The following GATAD1 variants were observed in gnomAD, a reference collection of about 807,000 sequenced individuals.
GATAD1 encodes the protein GATA zinc finger domain containing 1, also known as GATA zinc finger domain-containing protein 1.
In GATAD1, 12 loss-of-function variants were observed where a neutral mutation model predicts 26.5. That is an observed-to-expected ratio of 0.45 (90% CI 0.29 to 0.73). The LOEUF (loss-of-function observed/expected upper bound fraction) is 0.73. Among genes scored for constraint, GATAD1 ranks in the 30% least tolerant of loss-of-function variants. The pLI, the probability that GATAD1 is intolerant of heterozygous loss-of-function variation, is 0.10. For missense variants in GATAD1, 266 were observed against 342.1 expected (o/e 0.78, Z 1.75); for synonymous variants, 129 against 133.1 (o/e 0.97, Z 0.21).
At chr7:92,473,064 G>A in the GATAD1 span, 3 of 152,340 alleles carry the variant, frequency 2.0e-5, no homozygotes, top group African/African-American at 7.2e-5. Context: ...GGTGAGTTGA[G>A]ATGTTGGGTT....
chr7:92,489,622 A>G, the GATAD1 span: 10 of 1,195,558 alleles, frequency 8.4e-6, no homozygotes, highest in African/African-American at 1.5e-5. Context: ...TTATAAATAT[A>G]GCTCGTTTAT....
At chr7:92,482,725 G>A in the GATAD1 span, among the ~76,000 whole-genome samples, 27 of 152,200 alleles carry the variant, frequency 1.8e-4, no homozygotes, top group African/African-American at 5.8e-4. Context: ...AGGAATAGTC[G>A]GGGAAGCAGA....
the GATAD1 span, chr7:92,468,764 TCTAA>T: frequency 8.2e-6 from 6 of 728,306 alleles, no homozygotes; most frequent in South Asian, 8.7e-5. Flanking sequence ...CGACGACCGC[TCTAA>T]CTGCTTCCTG....
rs1373327153 is a variant in GATAD1, at chr7:92,447,697, C to T, written c.-33C>T. The T allele has an allele frequency of 2.8e-6, 4 of 1,428,804 alleles. No homozygotes were observed. The highest frequency in any genetic ancestry group is 6.1e-5 in the Admixed American group (2 of 33,000). 88.5% of individuals were successfully genotyped at this position (1,428,804 alleles called of 1,614,324 possible). Reference sequence around the variant, plus strand: ...GCTACCGTCCGCCATTCCCGTGTCTCTGCGCCCGCGGGGGCCGCCCGAGCC... The same window carrying T: ...GCTACCGTCCGCCATTCCCGTGTCTTTGCGCCCGCGGGGGCCGCCCGAGCC... On this transcript the variant is annotated 5_prime_UTR_variant, in exon 1 of 5. Coordinates refer to ENST00000287957, the MANE Select transcript of GATAD1 (RefSeq NM_021167.5).
chr7:92,469,501 A>C, the GATAD1 span: 1 of 768,958 alleles, frequency 1.3e-6, no homozygotes, highest in Non-Finnish European at 2.4e-6. Flanking sequence ...CATAGGGGGC[A>C]CTAAGAATGA....
the GATAD1 span, chr7:92,468,861 G>C: frequency 1.3e-6 from 1 of 764,454 alleles, no homozygotes; most frequent in Non-Finnish European, 2.4e-6. Context: ...CAGATCGTGG[G>C]CTAGCAGGCC....
At chr7:92,493,080 G>C in the GATAD1 span, 2 of 1,612,240 alleles carry the variant, frequency 1.2e-6, no homozygotes, top group Non-Finnish European at 1.7e-6. Flanking sequence ...AACATCATCT[G>C]CCAGAGGTAG....
chr7:92,477,638 T>G, the GATAD1 span: 1 of 154,330 alleles, frequency 6.5e-6, no homozygotes, highest in Non-Finnish European at 1.4e-5. Context: ...GTGACTAGTG[T>G]TCAGCTCAAT....
chr7:92,491,395 ATC>A, the GATAD1 span: 1 of 1,613,628 alleles, frequency 6.2e-7, no homozygotes, highest in East Asian at 2.2e-5. Context: ...CAAGGGACTG[ATC>A]TAAGCCACAT....
the GATAD1 span, chr7:92,493,862 A>C: frequency 5.1e-6 from 1 of 195,784 alleles, no homozygotes; most frequent in Admixed American, 5.3e-5. Flanking sequence ...TTGCTTCTAA[A>C]TTGGAGAATA....
chr7:92,490,452 T>C, the GATAD1 span, among the ~76,000 whole-genome samples: 4 of 151,992 alleles, frequency 2.6e-5, no homozygotes, highest in Non-Finnish European at 4.4e-5. Context: ...CTGGGCAATA[T>C]GGTGAAACCT....
chr7:92,464,198 C>T (rs1790023891), downstream of GATAD1, among the ~76,000 whole-genome samples: 1 of 152,104 alleles, frequency 6.6e-6, no homozygotes, highest in Non-Finnish European at 1.5e-5. Context: ...AAAAATCTCC[C>T]AGTTAGTAAA....
the GATAD1 span, chr7:92,469,544 A>G: frequency 1.3e-6 from 1 of 766,460 alleles, no homozygotes; most frequent in African/African-American, 1.7e-5. Context: ...GAGCCATTCA[A>G]ACAACGATAG....
At chr7:92,470,578 A>G in the GATAD1 span, 1 of 516,520 alleles carries the variant, frequency 1.9e-6, no homozygotes, top group African/African-American at 1.9e-5. Context: ...GGTAGATAAA[A>G]TGACTGGGTA....
chr7:92,450,775 A>C lies in GATAD1; in HGVS notation c.435+15A>C. 6.4e-7 allele frequency: 1 copy of C among 1,562,594 alleles called. No homozygotes were observed. The highest frequency in any genetic ancestry group is 8.8e-7 in the Non-Finnish European group (1 of 1,133,160). ...TCTTCTACAAGGTAAGCTTTTGTAGAGTTACTGAAGGAAGAGTTGGGCCTA... is the reference window on the plus strand; with the variant it reads ...TCTTCTACAAGGTAAGCTTTTGTAGCGTTACTGAAGGAAGAGTTGGGCCTA... On this transcript the variant is annotated intron_variant, in intron 3 of 4. Transcript: ENST00000287957.
At chr7:92,478,057 AT>A in the GATAD1 span, 1 of 152,076 alleles carries the variant, frequency 6.6e-6, no homozygotes, top group Admixed American at 6.5e-5. Context: ...CCTAATTAGC[AT>A]TTTAGTGAGC....
the GATAD1 span, chr7:92,490,238 G>A: frequency 3.2e-6 from 1 of 313,252 alleles, no homozygotes; most frequent in Non-Finnish European, 6.0e-6. Flanking sequence ...TAAGTTTCTG[G>A]GACATTTCTA....
At chr7:92,489,215 C>T in the GATAD1 span, 18 of 1,256,956 alleles carry the variant, frequency 1.4e-5, no homozygotes, top group African/African-American at 1.0e-4. Context: ...ATTTTAAACA[C>T]GAACTTTAAA....
the GATAD1 span, among the ~76,000 whole-genome samples, chr7:92,467,213 G>A: frequency 6.6e-6 from 1 of 152,052 alleles, no homozygotes; most frequent in Non-Finnish European, 1.5e-5. Flanking sequence ...TAGCTACCAG[G>A]GAGGTTGAGG....
Sources: gnomAD v4.1 joint callset for allele counts (sites outside exome capture counted in the v4.1 genomes callset) on GRCh38, gnomAD v4.1.1 for gene constraint, MANE v1.5 for transcripts, NCBI Gene and HGNC (gene_info 2026-07-23, HGNC 2026-07-21) for gene names.